The following ZNF500 variants were observed in gnomAD, a reference collection of about 807,000 sequenced individuals.
ZNF500 encodes zinc finger protein with KRAB and SCAN domains 18.
Under a neutral mutation model 30.1 loss-of-function variants are expected in ZNF500, and 31 were observed. The observed-to-expected ratio is 1.03, with a 90% CI of 0.77 to 1.39. The LOEUF (loss-of-function observed/expected upper bound fraction) is 1.39, where lower values mean the gene tolerates loss of function less well. ZNF500 is among the 40% of genes most tolerant of loss of function. The pLI, the probability that ZNF500 is intolerant of heterozygous loss-of-function variation, is 0.00. For synonymous variants in ZNF500, 392 were observed against 282.0 expected, an observed-to-expected ratio of 1.39 and a Z score of -3.91; for missense variants, 817 against 657.8, an observed-to-expected ratio of 1.24 and a Z score of -2.65.
intron 2 of ZNF500, chr16:4,763,854 G>GGGAT: frequency 1.0e-6 from 1 of 985,442 alleles, no homozygotes; most frequent in South Asian, 4.7e-5. Flanking sequence ...CAAGCATTAG[G>GGGAT]GGATGTGCCT....
chr16:4,762,588 A>G lies in ZNF500; in HGVS notation c.583T>C (p.Leu195=), dbSNP rs371203666. The G allele has an allele frequency of 6.2e-7, 1 of 1,613,054 alleles. No individual in the cohort carries two copies. The highest frequency in any genetic ancestry group is 2.2e-5 in the East Asian group (1 of 44,846). Residue 195 remains leucine (L), a synonymous_variant, in exon 3 of 6, where the codon TTG becomes CTG. Coordinates refer to ENST00000219478, the MANE Select transcript of ZNF500 (RefSeq NM_021646.4). ...LSHRPQRGPL[L]WPERGPPAPR... is the part of the protein sequence containing the mutation. ...TGCTACTCACCTCTCTCTGGCCACA[A>G]CAGCGGGCCCCTCTGTGGCCTGTGG...
At chr16:4,745,804 T>A (rs1475283943), downstream of ZNF500, among the ~76,000 whole-genome samples, 1 of 151,932 alleles carries the variant, frequency 6.6e-6, no homozygotes, top group African/African-American at 2.4e-5. Context: ...CACAAAAAAA[T>A]TTTCCAGGCA....
At position 4,752,861 on chromosome 16, in the gene ZNF500, C is replaced by A. The variant is rs902971956; in HGVS notation, c.958G>T (p.Gly320Trp). 11 of 1,614,156 alleles carry A rather than the reference C, an allele frequency of 6.8e-6. No homozygotes were observed. Among genetic ancestry groups the A allele is most frequent in the Non-Finnish European group, 8.5e-6 (10 of 1,180,030 alleles). Reference protein sequence around the residue: ...GPPPGRRASHGADKPYTCPEC... With the variant: ...GPPPGRRASHWADKPYTCPEC... Reference sequence around the variant, plus strand: ...GGGCAGGTGTACGGCTTGTCAGCCCCATGGGAAGCCCGTCTTCCTGGTGGG... The same window carrying A: ...GGGCAGGTGTACGGCTTGTCAGCCCAATGGGAAGCCCGTCTTCCTGGTGGG... The change falls in exon 6 of 6, where the codon GGG (glycine) becomes TGG (tryptophan). Residue 320 changes from glycine to tryptophan, a missense_variant. By Grantham distance (184) the Gly-to-Trp change is radical (BLOSUM62 -2). Coordinates refer to ENST00000219478, the MANE Select transcript of ZNF500 (RefSeq NM_021646.4).
chr16:4,765,500 G>C (rs12928542), intron 2 of ZNF500, 65 bp downstream of exon 2: 757,778 of 1,517,792 alleles, frequency 0.5, 191,121 homozygotes, highest in South Asian at 0.63. Flanking sequence ...CAAGGAATCT[G>C]CAGCTGCAGA....
chr16:4,747,209 T>C (rs2082028756), downstream of ZNF500: 1 of 1,273,650 alleles, frequency 7.9e-7, no homozygotes, highest in Non-Finnish European at 1.1e-6. Flanking sequence ...GTGGCAGCAG[T>C]GATGGGCTGC....
intron 4 of ZNF500, 141 bp downstream of exon 4, chr16:4,762,130 A>G: frequency 1.0e-6 from 1 of 969,948 alleles, no homozygotes; most frequent in Non-Finnish European, 1.6e-6. Flanking sequence ...GTTGGGGCAA[A>G]GGGAGAAAAC....
chr16:4,760,366 G>C (rs934070966), intron 5 of ZNF500, 126 bp downstream of exon 5: 60 of 818,668 alleles, frequency 7.3e-5, no homozygotes, highest in Middle Eastern at 2.3e-4. Context: ...GCAGGGATAC[G>C]GGTAGCCCTG....
downstream of ZNF500, chr16:4,745,004 G>C (rs750494923): frequency 1.2e-6 from 2 of 1,613,296 alleles, no homozygotes; most frequent in Non-Finnish European, 1.7e-6. Context: ...GGCAGATTCA[G>C]GAAGCAGGTG....
chr16:4,747,586 A>G (rs2082034738), downstream of ZNF500: 1 of 1,610,770 alleles, frequency 6.2e-7, no homozygotes, highest in South Asian at 1.1e-5. Flanking sequence ...AGCCAGGGGC[A>G]GCCAGGGAGG....
intron 2 of ZNF500, chr16:4,763,133 C>G: frequency 1.0e-6 from 1 of 985,358 alleles, no homozygotes; most frequent in Non-Finnish European, 1.2e-6. Flanking sequence ...TGCAATGGCT[C>G]ACACCTGTAA....
In ZNF500 at chr16:4,765,690, G is replaced by T; in HGVS notation, c.289C>A (p.Gln97Lys). The T allele has an allele frequency of 6.2e-7, 1 of 1,613,260 alleles. No individual in the cohort carries two copies. Among genetic ancestry groups the T allele is most frequent in the Non-Finnish European group, 8.5e-7 (1 of 1,179,974 alleles). ...EQILELLVLE[Q>K]FLTVLPGEIQ... ...TCCCCCGGCAGCACAGTCAGGAACT[G>T]CTCCAGCACCAGCAGCTCCAGGATC... Residue 97 changes from glutamine (Q) to lysine (K), a missense_variant, in exon 2 of 6, where the codon CAG becomes AAG. By Grantham distance (53) the Gln-to-Lys change is moderately conservative. Coordinates refer to ENST00000219478, the MANE Select transcript of ZNF500 (RefSeq NM_021646.4).
chr16:4,764,000 A>G (rs963946089), intron 2 of ZNF500: 6 of 985,456 alleles, frequency 6.1e-6, no homozygotes, highest in Non-Finnish European at 7.2e-6. Flanking sequence ...AGGTGGCAGG[A>G]CTTCTTTCTA....
At position 4,748,309 on chromosome 16, in the gene ZNF500, C is replaced by T. The variant is rs1345519879; in HGVS notation, c.*4067G>A. On this transcript the variant is annotated 3_prime_UTR_variant, in exon 6 of 6. Coordinates refer to ENST00000219478, the MANE Select transcript of ZNF500 (RefSeq NM_021646.4). Reference sequence around the variant, plus strand: ...CTCTCAATCCTCCTGCCTAGGCCTTCCACAGTGCTGGGATTATAGCACTGT... The same window carrying T: ...CTCTCAATCCTCCTGCCTAGGCCTTTCACAGTGCTGGGATTATAGCACTGT... 6.6e-6 allele frequency: 1 copy of T among 150,672 alleles called. No individual in the cohort carries two copies. The highest frequency in any genetic ancestry group is 2.4e-5 in the African/African-American group (1 of 40,914). The allele number at this position is 150,672 out of a possible 1,614,324, so 9.3% of individuals were successfully genotyped here. A position where few individuals can be genotyped will look rare whatever the true frequency, so the allele number is the denominator to read the frequency against.
Position 4,751,234 on chromosome 16 carries a change from TGCACAGACCAGTGGCTCCCACGCA to T in ZNF500, c.*1118_*1141del. 4.3e-6 allele frequency: 1 copy of T among 233,064 alleles called. No individual in the cohort carries two copies. The highest frequency in any genetic ancestry group is 8.4e-6 in the Non-Finnish European group (1 of 119,348). 14.4% of individuals were successfully genotyped at this position (233,064 alleles called of 1,614,324 possible). The stretch of plus-strand genomic sequence containing the variant: ...CTTGGCCACTCACCCACCGTGGATG[TGCACAGACCAGTGGCTCCCACGCA>T]GCACAGGCCAGACAAAAGCTGGAAG... On this transcript the variant is annotated 3_prime_UTR_variant, in exon 6 of 6. Transcript: ENST00000219478.
At chr16:4,745,042 G>C, downstream of ZNF500, 1 of 1,604,570 alleles carries the variant, frequency 6.2e-7, no homozygotes. Context: ...CGGCTCCTGT[G>C]GTCCTTTAGA....
chr16:4,754,958 A>C (rs2082121473), intron 5 of ZNF500, among the ~76,000 whole-genome samples: 1 of 152,088 alleles, frequency 6.6e-6, no homozygotes, highest in African/African-American at 2.4e-5. Context: ...TGGTCGATTA[A>C]AAGTGAGCGG....
downstream of ZNF500, chr16:4,746,561 G>A: frequency 1.9e-6 from 3 of 1,577,508 alleles, no homozygotes; most frequent in Non-Finnish European, 2.6e-6. Context: ...TTGCAGAGTT[G>A]CCTGTTGACC....
At position 4,751,923 on chromosome 16, in the gene ZNF500, G is replaced by A; in HGVS notation, c.*453C>T. Reference sequence around the variant, plus strand: ...GCCCCGTCTCAAAAAAAAAAGGGGGGGGGAGCAGGTGGGGGGTACACACAG... The same window carrying A: ...GCCCCGTCTCAAAAAAAAAAGGGGGAGGGAGCAGGTGGGGGGTACACACAG... On this transcript the variant is annotated 3_prime_UTR_variant, in exon 6 of 6. Transcript: ENST00000219478. 2 of 342,150 alleles carry A rather than the reference G, an allele frequency of 5.8e-6. No homozygotes were observed. Among genetic ancestry groups the A allele is most frequent in the Non-Finnish European group, 9.3e-6 (2 of 215,184 alleles). The allele number at this position is 342,150 out of a possible 1,614,324, so 21.2% of individuals were successfully genotyped here. A position where few individuals can be genotyped will look rare whatever the true frequency, so the allele number is the denominator to read the frequency against.
At chr16:4,765,468 C>T (rs2082253727) in intron 2 of ZNF500, 97 bp downstream of exon 2, 13 of 1,488,970 alleles carry the variant, frequency 8.7e-6, no homozygotes, top group South Asian at 1.4e-5. Flanking sequence ...GGCCAGGCAG[C>T]CACACTTGGT....
Sources: allele counts gnomAD v4.1 joint callset (sites outside exome capture counted in the v4.1 genomes callset), GRCh38; gene constraint gnomAD v4.1.1; transcripts MANE v1.5; gene names NCBI Gene and HGNC (gene_info 2026-07-23, HGNC 2026-07-21).